The following KLHL8 variants were observed in gnomAD, a reference collection of about 807,000 sequenced individuals.
The protein encoded by KLHL8 is kelch like family member 8.
Under a neutral mutation model 63.5 loss-of-function variants are expected in KLHL8, and 38 were observed. That is an observed-to-expected ratio of 0.60 (90% CI 0.46 to 0.78). KLHL8 has a LOEUF of 0.78. KLHL8 is among the 30% of genes least tolerant of loss of function. The probability of loss-of-function intolerance (pLI) is 0.00; values close to 1 mark genes in which losing one functional copy is unlikely to be tolerated. For synonymous variants in KLHL8, 224 were observed against 254.3 expected, an observed-to-expected ratio of 0.88 and a Z score of 1.13; for missense variants, 566 against 752.4, an observed-to-expected ratio of 0.75 and a Z score of 2.90.
chr4:87,207,103 C>T, intron 1 of KLHL8: 4 of 508,148 alleles, frequency 7.9e-6, no homozygotes, highest in Admixed American at 2.2e-5. Flanking sequence ...AGGTGATGGC[C>T]GGAGTCAACG....
intron 4 of KLHL8, 78 bp downstream of exon 4, chr4:87,183,125 C>T: frequency 2.0e-6 from 2 of 1,002,798 alleles, no homozygotes; most frequent in Non-Finnish European, 2.9e-6. Context: ...TATATTACAA[C>T]TAAGTTTGGG....
intron 8 of KLHL8, among the ~76,000 whole-genome samples, chr4:87,168,269 C>CAAGGA (rs1730482565): frequency 6.6e-6 from 1 of 152,070 alleles, no homozygotes; most frequent in Non-Finnish European, 1.5e-5. Flanking sequence ...GCCTTCAGGT[C>CAAGGA]CTTCCTTGAG....
At chr4:87,221,253 G>C (rs138919121), upstream of KLHL8, 2 of 152,086 alleles carry the variant, frequency 1.3e-5, no homozygotes, top group East Asian at 3.9e-4. Context: ...AAATTAGCTG[G>C]GCGTGGTTGT....
At chr4:87,181,006 A>T (rs1371122451) in intron 4 of KLHL8, among the ~76,000 whole-genome samples, 1 of 152,200 alleles carries the variant, frequency 6.6e-6, no homozygotes, top group Non-Finnish European at 1.5e-5. Flanking sequence ...ATTGCATTCC[A>T]GCCTGGATGA....
At position 87,229,238 on chromosome 4, in the gene KLHL8, A is replaced by G. The variant is rs150135760; in HGVS notation, n.58-7848T>C. Among the ~76,000 whole-genome samples the G allele has an allele frequency of 1.9e-3, 286 of 152,252 alleles. 1 individual carries two copies. The highest frequency in any genetic ancestry group is 3.3e-3 in the Non-Finnish European group (226 of 68,030). On this transcript the variant is annotated intron_variant and non_coding_transcript_variant, in intron 1 of 1. Coordinates refer to the KLHL8 transcript ENST00000506274. ...CCTACTTGGTAGAGGTACTACACAG[A>G]GACTCTGCCTTTATGCTTGCAACTG...
intron 1 of KLHL8, among the ~76,000 whole-genome samples, chr4:87,198,194 C>T (rs929031703): frequency 1.3e-5 from 2 of 152,070 alleles, no homozygotes; most frequent in African/African-American, 2.4e-5. Flanking sequence ...GTGGCATGCA[C>T]CTGTAACTCC....
chr4:87,193,335 A>T (rs979627614), intron 2 of KLHL8, among the ~76,000 whole-genome samples: 4 of 152,176 alleles, frequency 2.6e-5, no homozygotes, highest in Non-Finnish European at 5.9e-5. Flanking sequence ...TCAAGTCAGG[A>T]TCATCCATAT....
In KLHL8 at chr4:87,192,922, CCCG is replaced by C. The variant is rs529433066; in HGVS notation, c.216+2399_216+2401del. Among the ~76,000 whole-genome samples, 185 of 152,016 alleles carry C rather than the reference CCCG, an allele frequency of 1.2e-3. 4 individuals carry two copies. The South Asian group carries it at 0.037, about 30-fold the overall frequency. ...TATAAGGTATTTTTTTTAAAGTACACCCGTATAAGGTATTTGCTATGAATGGAG... is the reference window on the plus strand; with the variant it reads ...TATAAGGTATTTTTTTTAAAGTACACTATAAGGTATTTGCTATGAATGGAG... On this transcript the variant is annotated intron_variant, in intron 2 of 9. Coordinates refer to ENST00000273963, the MANE Select transcript of KLHL8 (RefSeq NM_020803.5).
chr4:87,175,199 A>G (rs1414988297), intron 6 of KLHL8, among the ~76,000 whole-genome samples: 2 of 152,238 alleles, frequency 1.3e-5, no homozygotes, highest in Non-Finnish European at 2.9e-5. Context: ...AAAAATGTAC[A>G]GAGAGTCTAA....
At position 87,171,735 on chromosome 4, in the gene KLHL8, T is replaced by TAAA. The variant is rs1560692259; in HGVS notation, c.1209-1121_1209-1120insTTT. On this transcript the variant is annotated intron_variant, in intron 6 of 9. Transcript: ENST00000273963. ...CTCTTGGTTTTCATAACATCATACG[T>TAAA]TTTAGTCCACTCCTACGTCTCTGGC... Among the ~76,000 whole-genome samples the TAAA allele has an allele frequency of 2.0e-5, 3 of 152,266 alleles. No homozygotes were observed. In the East Asian group the frequency reaches 5.8e-4, roughly 29 times the overall value.
chr4:87,173,968 T>A (rs1271689412), intron 6 of KLHL8, among the ~76,000 whole-genome samples: 1 of 152,084 alleles, frequency 6.6e-6, no homozygotes, highest in Non-Finnish European at 1.5e-5. Flanking sequence ...CATTTTTTTT[T>A]AATCTTTCAT....
chr4:87,167,737 C>T (rs1730456694), intron 8 of KLHL8: 2 of 340,754 alleles, frequency 5.9e-6, no homozygotes, highest in Non-Finnish European at 1.2e-5. Context: ...AGCTATGATC[C>T]TGAGCTGAGG....
chr4:87,220,518 G>A lies in KLHL8; in HGVS notation c.-252C>T, dbSNP rs954842418. On this transcript the variant is annotated 5_prime_UTR_variant, in exon 1 of 10. Transcript: ENST00000273963. The stretch of plus-strand genomic sequence containing the variant: ...CCCTCAGCGGAACCTCACCAACCCC[G>A]CGCGAGCACCCGGCGGACGCGCGCT... The A allele has an allele frequency of 5.3e-5, 8 of 152,244 alleles. No individual in the cohort carries two copies. Among genetic ancestry groups the A allele is most frequent in the Admixed American group, 2.6e-4 (4 of 15,284 alleles). The allele number at this position is 152,244 out of a possible 1,614,324, so 9.4% of individuals were successfully genotyped here.
intron 9 of KLHL8, 88 bp downstream of exon 9, chr4:87,163,790 A>G (rs535537481): frequency 2.9e-4 from 450 of 1,531,002 alleles, no homozygotes; most frequent in Non-Finnish European, 3.9e-4. Context: ...CTTAGTATTA[A>G]CTACGACTAG....
intron 1 of KLHL8, among the ~76,000 whole-genome samples, chr4:87,236,715 A>G (rs1263986699): frequency 3.9e-5 from 5 of 127,778 alleles, no homozygotes; most frequent in Non-Finnish European, 6.2e-5. Context: ...CCCAGGCTGG[A>G]GTGCAGTGAC....
In KLHL8 at chr4:87,230,313, C is replaced by T. The variant is rs578109842; in HGVS notation, n.58-8923G>A. On this transcript the variant is annotated intron_variant and non_coding_transcript_variant, in intron 1 of 1. Transcript: ENST00000506274. ...GACCTCCTCAAGTGACACTTCCACCCCCAATATAACTGCTGGAAGCCAGGG... is the reference window on the plus strand; with the variant it reads ...GACCTCCTCAAGTGACACTTCCACCTCCAATATAACTGCTGGAAGCCAGGG... 5.9e-5 allele frequency among the ~76,000 whole-genome samples: 9 copies of T among 152,314 alleles called. No homozygotes were observed. The East Asian group carries it at 1.7e-3, about 29-fold the overall frequency.
At chr4:87,197,924 T>C (rs1325326439) in intron 1 of KLHL8, among the ~76,000 whole-genome samples, 2 of 148,946 alleles carry the variant, frequency 1.3e-5, no homozygotes, top group Non-Finnish European at 3.0e-5. Flanking sequence ...ACTCTGTCAT[T>C]GTAACACAAA....
chr4:87,192,770 T>A (rs986941177), intron 2 of KLHL8, among the ~76,000 whole-genome samples: 2 of 152,232 alleles, frequency 1.3e-5, no homozygotes, highest in African/African-American at 4.8e-5. Flanking sequence ...TGGTACAGCC[T>A]GTTGCTCTCA....
chr4:87,214,456 A>G (rs1352597956), intron 1 of KLHL8, among the ~76,000 whole-genome samples: 2 of 118,120 alleles, frequency 1.7e-5, no homozygotes, highest in African/African-American at 6.6e-5. Flanking sequence ...ATATATATAT[A>G]TATAATTGTC....
Sources: allele counts gnomAD v4.1 joint callset (sites outside exome capture counted in the v4.1 genomes callset), GRCh38; gene constraint gnomAD v4.1.1; transcripts MANE v1.5; gene names NCBI Gene and HGNC (gene_info 2026-07-23, HGNC 2026-07-21).